ZNF69: variants seen among roughly 807,000 people sequenced by gnomAD.
ZNF69 encodes the protein zinc finger protein 69.
Under a neutral mutation model 50.9 loss-of-function variants are expected in ZNF69, and 47 were observed. The observed-to-expected ratio is 0.92, with a 90% CI of 0.73 to 1.18. ZNF69 has a LOEUF of 1.18. ZNF69 is among the 50% of genes most tolerant of loss of function. ZNF69 has a pLI of 0.00. For synonymous variants in ZNF69, 216 were observed against 223.1 expected, an observed-to-expected ratio of 0.97 and a Z score of 0.29; for missense variants, 717 against 675.1, an observed-to-expected ratio of 1.06 and a Z score of -0.69.
the ZNF69 span, among the ~76,000 whole-genome samples, chr19:11,962,617 C>T: frequency 6.6e-6 from 1 of 152,118 alleles, no homozygotes; most frequent in African/African-American, 2.4e-5. Flanking sequence ...CCCACCTCAG[C>T]CTCCCAAAGT....
chr19:11,979,920 G>A, the ZNF69 span: 11 of 1,357,606 alleles, frequency 8.1e-6, no homozygotes, highest in African/African-American at 1.5e-4. Flanking sequence ...TGTGGGAAAG[G>A]CTTTTATTCT....
At chr19:11,907,512 C>T (rs917895131), downstream of ZNF69, among the ~76,000 whole-genome samples, 3 of 152,076 alleles carry the variant, frequency 2.0e-5, no homozygotes, top group African/African-American at 7.2e-5. Context: ...AGAGTGGGGG[C>T]CAATATTCAA....
chr19:11,904,871 A>C lies in ZNF69; in HGVS notation c.474A>C (p.Glu158Asp). ...GACACAAGGCCTATGAGTATCAGGA[A>C]TATGGACCGAAGCCATGTAAGTGTC... ...DIGHKAYEYQ[E>D]YGPKPCKCQQ... Residue 158 changes from glutamate to aspartate, a missense_variant, in exon 4 of 4, where the codon GAA becomes GAC. By Grantham distance (45) the Glu-to-Asp change is conservative. Transcript: ENST00000429654. 2 of 1,614,228 alleles carry C rather than the reference A, an allele frequency of 1.2e-6. No homozygotes were observed. The highest frequency in any genetic ancestry group is 1.7e-6 in the Non-Finnish European group (2 of 1,180,046).
chr19:11,900,237 G>C (rs1412736143), intron 1 of ZNF69, among the ~76,000 whole-genome samples: 1 of 152,138 alleles, frequency 6.6e-6, no homozygotes, highest in East Asian at 1.9e-4. Context: ...ACAGGCATGA[G>C]CCACTGCACC....
the ZNF69 span, among the ~76,000 whole-genome samples, chr19:11,955,419 G>A: frequency 6.8e-5 from 10 of 146,920 alleles, no homozygotes; most frequent in African/African-American, 2.0e-4. Context: ...TTTGAGACAA[G>A]GTCTGGCTCT....
chr19:11,904,858 A>G lies in ZNF69; in HGVS notation c.461A>G (p.Tyr154Cys), dbSNP rs1451115505. Residue 154 changes from tyrosine to cysteine, a missense_variant, in exon 4 of 4, where the codon TAT (tyrosine) becomes TGT (cysteine). By Grantham distance (194) the Tyr-to-Cys change is radical (BLOSUM62 -2). Coordinates refer to ENST00000429654, the MANE Select transcript of ZNF69 (RefSeq NM_001364730.1). ...NIRGDIGHKAYEYQEYGPKPC... is the reference protein window; with the variant it reads ...NIRGDIGHKACEYQEYGPKPC... Reference sequence around the variant, plus strand: ...AGAGGTGACATTGGACACAAGGCCTATGAGTATCAGGAATATGGACCGAAG... The same window carrying G: ...AGAGGTGACATTGGACACAAGGCCTGTGAGTATCAGGAATATGGACCGAAG... The G allele has an allele frequency of 1.3e-5, 21 of 1,614,086 alleles. No homozygotes were observed. The highest frequency in any genetic ancestry group is 1.6e-5 in the Non-Finnish European group (19 of 1,180,042).
chr19:11,947,834 C>T, the ZNF69 span, among the ~76,000 whole-genome samples: 3 of 152,134 alleles, frequency 2.0e-5, no homozygotes, highest in Non-Finnish European at 4.4e-5. Context: ...AACGAGACCA[C>T]ATATCAACAA....
At chr19:11,949,550 A>G in the ZNF69 span, 1 of 1,611,078 alleles carries the variant, frequency 6.2e-7, no homozygotes, top group Non-Finnish European at 8.5e-7. Flanking sequence ...AGACCTTATA[A>G]ATGTAGTATA....
At chr19:11,972,566 C>T in the ZNF69 span, among the ~76,000 whole-genome samples, 1 of 151,998 alleles carries the variant, frequency 6.6e-6, no homozygotes, top group African/African-American at 2.4e-5. Context: ...GGTATGCATC[C>T]CCATCAGTAT....
chr19:11,942,000 G>A, the ZNF69 span, among the ~76,000 whole-genome samples: 2 of 152,088 alleles, frequency 1.3e-5, no homozygotes, highest in South Asian at 2.1e-4. Flanking sequence ...TCTCTTAGGA[G>A]TTTCTCGTTT....
chr19:11,937,125 T>A, the ZNF69 span, among the ~76,000 whole-genome samples: 1 of 152,196 alleles, frequency 6.6e-6, no homozygotes, highest in African/African-American at 2.4e-5. Flanking sequence ...GATCATGCTT[T>A]TTGTGTTGTG....
chr19:11,964,690 G>A, the ZNF69 span, among the ~76,000 whole-genome samples: 1 of 152,194 alleles, frequency 6.6e-6, no homozygotes, highest in East Asian at 1.9e-4. Flanking sequence ...GAGGCCAGCA[G>A]ATGGCTCCTA....
At chr19:11,961,229 TGA>T in the ZNF69 span, among the ~76,000 whole-genome samples, 26 of 152,032 alleles carry the variant, frequency 1.7e-4, no homozygotes, top group African/African-American at 5.8e-4. Flanking sequence ...ATGGGATTAG[TGA>T]GAGAGAGAGA....
chr19:11,899,190 T>A (rs1160515925), intron 1 of ZNF69, among the ~76,000 whole-genome samples: 2 of 152,240 alleles, frequency 1.3e-5, no homozygotes, highest in Non-Finnish European at 2.9e-5. Flanking sequence ...GAATATCACA[T>A]ATTTGGAATG....
the ZNF69 span, among the ~76,000 whole-genome samples, chr19:11,977,856 C>T: frequency 2.6e-5 from 4 of 152,140 alleles, no homozygotes; most frequent in South Asian, 2.1e-4. Flanking sequence ...GACCCTGACT[C>T]GAAAGAAAAA....
At chr19:11,893,478 T>A (rs1017128324) in intron 1 of ZNF69, among the ~76,000 whole-genome samples, 3 of 152,164 alleles carry the variant, frequency 2.0e-5, no homozygotes, top group African/African-American at 7.2e-5. Flanking sequence ...AGGAAAGCAG[T>A]GAATAACCAC....
At chr19:11,965,033 C>G in the ZNF69 span, 3 of 694,216 alleles carry the variant, frequency 4.3e-6, no homozygotes, top group Non-Finnish European at 7.4e-6. Context: ...CAGAGTGGGT[C>G]GCATTCCTGT....
At chr19:11,979,477 G>A in the ZNF69 span, 325 of 1,603,426 alleles carry the variant, frequency 2.0e-4, 3 homozygotes, top group East Asian at 6.1e-3. Flanking sequence ...AGACATGTGG[G>A]AAAGGCTTTT....
chr19:11,965,762 G>C, the ZNF69 span, among the ~76,000 whole-genome samples: 1 of 152,200 alleles, frequency 6.6e-6, no homozygotes, highest in Non-Finnish European at 1.5e-5. Context: ...ACCTTGGCAA[G>C]GGAAACACAA....
Sources: gnomAD v4.1 joint callset for allele counts (sites outside exome capture counted in the v4.1 genomes callset) on GRCh38, gnomAD v4.1.1 for gene constraint, MANE v1.5 for transcripts, NCBI Gene and HGNC (gene_info 2026-07-23, HGNC 2026-07-21) for gene names.